The following MYRFL variants were observed in gnomAD, a reference collection of about 807,000 sequenced individuals.
MYRFL encodes the protein myelin regulatory factor like, also known as myelin regulatory factor-like protein.
MYRFL carries 88 observed loss-of-function variants against 109.4 expected under a neutral mutation model. That is an observed-to-expected ratio of 0.80 (90% CI 0.68 to 0.96). The LOEUF (loss-of-function observed/expected upper bound fraction) is 0.96. MYRFL is among the 40% of genes least tolerant of loss of function. MYRFL has a pLI of 0.00. For synonymous variants in MYRFL, 324 were observed against 320.9 expected, an observed-to-expected ratio of 1.01 and a Z score of -0.10; for missense variants, 957 against 954.9, an observed-to-expected ratio of 1.00 and a Z score of -0.03.
chr12:69,938,976 A>G (rs4548667), intron 19 of MYRFL, among the ~76,000 whole-genome samples: 42,383 of 152,048 alleles, frequency 0.28, 6,220 homozygotes, highest in East Asian at 0.48. Context: ...AATACTGCGC[A>G]TTTCCGACGG....
At chr12:69,904,819 C>G (rs1954302860) in intron 11 of MYRFL, among the ~76,000 whole-genome samples, 1 of 152,206 alleles carries the variant, frequency 6.6e-6, no homozygotes. Flanking sequence ...TTCCTTTTCT[C>G]TCCTTTCCTT....
At chr12:69,853,219 C>T (rs950545341) in intron 1 of MYRFL, among the ~76,000 whole-genome samples, 1 of 149,816 alleles carries the variant, frequency 6.7e-6, no homozygotes, top group Non-Finnish European at 1.5e-5. Context: ...GGGGCTGCCC[C>T]CTACCTCCCT....
chr12:69,863,582 C>A (rs186305235), intron 2 of MYRFL, among the ~76,000 whole-genome samples: 1 of 152,128 alleles, frequency 6.6e-6, no homozygotes, highest in African/African-American at 2.4e-5. Flanking sequence ...TTCTCTTTCC[C>A]TTTTATATTG....
chr12:69,848,949 G>A (rs531532674), intron 1 of MYRFL, among the ~76,000 whole-genome samples: 2 of 152,262 alleles, frequency 1.3e-5, no homozygotes, highest in Non-Finnish European at 2.9e-5. Flanking sequence ...TCGGCTCACT[G>A]CAACCTCTAC....
chr12:69,936,187 G>C lies in MYRFL; in HGVS notation c.1991G>C (p.Ser664Thr). The stretch of plus-strand genomic sequence containing the variant: ...CGACGTGTCCCAAATCTCCCTCCAA[G>C]GTGAGAGTTCAGTTCAATTTTCTGG... ...QDRRVPNLPP[S>T]NITSSQEPAL... is the part of the protein sequence containing the mutation. The change falls in exon 17 of 25, where the codon AGC (serine) becomes ACC (threonine). Residue 664 changes from serine (S) to threonine (T), a missense_variant and splice_region_variant. By Grantham distance (58) the Ser-to-Thr change is moderately conservative. Coordinates refer to ENST00000552032, the MANE Select transcript of MYRFL (RefSeq NM_182530.3). 6.7e-7 allele frequency: 1 copy of C among 1,490,976 alleles called. No homozygotes were observed. Among genetic ancestry groups the C allele is most frequent in the Non-Finnish European group, 8.9e-7 (1 of 1,123,702 alleles). The allele number at this position is 1,490,976 out of a possible 1,614,324, so 92.4% of individuals were successfully genotyped here.
In MYRFL at chr12:69,855,279, G is replaced by C. The variant is rs1163335957; in HGVS notation, c.47-1G>C. On this transcript the variant is annotated splice_acceptor_variant, in intron 1 of 24. Coordinates refer to ENST00000552032, the MANE Select transcript of MYRFL (RefSeq NM_182530.3). LOFTEE classifies it high-confidence loss of function. ...TCAAGATTTTCAATTTGCCTTTGCA[G>C]CTCAGGGAGCCAATGGTACTCTGGA... 1.4e-6 allele frequency: 1 copy of C among 701,214 alleles called. No individual in the cohort carries two copies. The highest frequency in any genetic ancestry group is 2.7e-5 in the East Asian group (1 of 37,280). The allele number at this position is 701,214 out of a possible 1,614,324, so 43.4% of individuals were successfully genotyped here. A position where few individuals can be genotyped will look rare whatever the true frequency, so the allele number is the denominator to read the frequency against.
At chr12:69,837,443 A>G (rs1425118157) in intron 1 of MYRFL, among the ~76,000 whole-genome samples, 1 of 151,998 alleles carries the variant, frequency 6.6e-6, no homozygotes, top group Non-Finnish European at 1.5e-5. Context: ...CAATTGGTTC[A>G]TTGTTCTGAG....
intron 21 of MYRFL, among the ~76,000 whole-genome samples, chr12:69,954,938 A>G (rs1258332077): frequency 6.6e-6 from 1 of 152,212 alleles, no homozygotes; most frequent in East Asian, 1.9e-4. Context: ...GTGTTGCTCA[A>G]AAGGGAGTGA....
intron 11 of MYRFL, among the ~76,000 whole-genome samples, chr12:69,905,365 C>A (rs940405463): frequency 1.3e-5 from 2 of 152,236 alleles, no homozygotes; most frequent in African/African-American, 4.8e-5. Context: ...TTCTGGAGAA[C>A]TTCTCACATC....
chr12:69,925,288 G>C (rs12828185), intron 13 of MYRFL, among the ~76,000 whole-genome samples: 1 of 152,184 alleles, frequency 6.6e-6, no homozygotes, highest in Non-Finnish European at 1.5e-5. Context: ...GGGAGTTTCA[G>C]AGAGTTCTCC....
chr12:69,858,586 C>T (rs1592711950), intron 2 of MYRFL, among the ~76,000 whole-genome samples: 2 of 151,814 alleles, frequency 1.3e-5, no homozygotes, highest in East Asian at 3.8e-4. Context: ...ACTTTTTTCC[C>T]AAGGAATTGA....
intron 10 of MYRFL, among the ~76,000 whole-genome samples, chr12:69,898,253 G>T (rs978035945): frequency 6.6e-6 from 1 of 152,168 alleles, no homozygotes; most frequent in Non-Finnish European, 1.5e-5. Flanking sequence ...AATTCCTTTT[G>T]TCAATTAAAA....
intron 2 of MYRFL, among the ~76,000 whole-genome samples, chr12:69,878,261 T>C (rs1163367317): frequency 9.3e-6 from 1 of 107,746 alleles, no homozygotes; most frequent in African/African-American, 3.5e-5. Context: ...AAAAAAAAAA[T>C]TACTTGCACT....
intron 19 of MYRFL, among the ~76,000 whole-genome samples, chr12:69,941,807 A>AAGAC (rs1490931880): frequency 1.3e-5 from 2 of 151,928 alleles, no homozygotes; most frequent in African/African-American, 4.8e-5. Flanking sequence ...TAAAGAAAAA[A>AAGAC]AGACAGAAGA....
intron 13 of MYRFL, among the ~76,000 whole-genome samples, chr12:69,922,512 T>C (rs955420124): frequency 2.0e-5 from 3 of 152,176 alleles, no homozygotes; most frequent in Non-Finnish European, 4.4e-5. Flanking sequence ...CATGTATGCC[T>C]CACTCAAATT....
chr12:69,892,140 T>C (rs1886953288), intron 7 of MYRFL, among the ~76,000 whole-genome samples: 1 of 152,168 alleles, frequency 6.6e-6, no homozygotes, highest in South Asian at 2.1e-4. Flanking sequence ...GTAGATTCAT[T>C]ATTTTCATCA....
intron 1 of MYRFL, among the ~76,000 whole-genome samples, chr12:69,854,344 G>T (rs963590424): frequency 9.0e-5 from 13 of 144,864 alleles, no homozygotes; most frequent in Non-Finnish European, 1.7e-4. Flanking sequence ...GGAGGGGGAG[G>T]GGGAGGGAGA....
intron 1 of MYRFL, among the ~76,000 whole-genome samples, chr12:69,840,167 G>C (rs1289564411): frequency 6.6e-6 from 1 of 152,174 alleles, no homozygotes; most frequent in Non-Finnish European, 1.5e-5. Context: ...GTCACGATTA[G>C]AGTCTGACGC....
chr12:69,950,822 T>C (rs1466138789), intron 19 of MYRFL, among the ~76,000 whole-genome samples: 7 of 152,060 alleles, frequency 4.6e-5, no homozygotes. Context: ...CTAAGATGGA[T>C]AAAAAAGAAT....
Sources: allele counts gnomAD v4.1 joint callset (sites outside exome capture counted in the v4.1 genomes callset), GRCh38; gene constraint gnomAD v4.1.1; transcripts MANE v1.5; gene names NCBI Gene and HGNC (gene_info 2026-07-23, HGNC 2026-07-21).